Variants in SLC39A11 observed in about 807,000 individuals in gnomAD.
The protein encoded by SLC39A11 is zinc transporter ZIP11.
In SLC39A11, 33 loss-of-function variants were observed where a neutral mutation model predicts 36.1. The observed-to-expected ratio is 0.91, with a 90% CI of 0.69 to 1.22. SLC39A11 has a LOEUF of 1.22. SLC39A11 is among the 50% of genes most tolerant of loss of function. The pLI is 0.00. For synonymous variants in SLC39A11, 166 were observed against 170.3 expected, an observed-to-expected ratio of 0.97 and a Z score of 0.20; for missense variants, 432 against 430.3, an observed-to-expected ratio of 1.00 and a Z score of -0.03.
chr17:72,923,334 T>A (rs1173715487), intron 5 of SLC39A11, among the ~76,000 whole-genome samples: 1 of 152,100 alleles, frequency 6.6e-6, no homozygotes, highest in Non-Finnish European at 1.5e-5. Flanking sequence ...CATAAACAGG[T>A]ATGGCCAATG....
intron 7 of SLC39A11, among the ~76,000 whole-genome samples, chr17:72,718,582 C>CA (rs2143522591): frequency 6.6e-6 from 1 of 152,348 alleles, no homozygotes; most frequent in South Asian, 2.1e-4. Context: ...CTTGGGGTCA[C>CA]AGCCAGGCAC....
At chr17:73,054,860 G>C (rs2059618770) in intron 3 of SLC39A11, among the ~76,000 whole-genome samples, 2 of 151,300 alleles carry the variant, frequency 1.3e-5, no homozygotes, top group South Asian at 4.2e-4. Context: ...AGCTGCAGAT[G>C]CTTATCAAGG....
At chr17:72,941,935 C>T (rs1315709121) in intron 5 of SLC39A11, among the ~76,000 whole-genome samples, 1 of 151,878 alleles carries the variant, frequency 6.6e-6, no homozygotes. Context: ...GGCTGGAGTG[C>T]AGTGGCACAA....
intron 4 of SLC39A11, among the ~76,000 whole-genome samples, chr17:72,960,583 C>T (rs756980309): frequency 1.4e-4 from 21 of 151,976 alleles, no homozygotes; most frequent in Non-Finnish European, 2.6e-4. Flanking sequence ...CTTGACCCCA[C>T]GAGTTTGAGA....
intron 5 of SLC39A11, among the ~76,000 whole-genome samples, chr17:72,860,013 AG>A (rs1372803677): frequency 5.9e-5 from 1 of 16,978 alleles, no homozygotes; most frequent in Non-Finnish European, 8.5e-5. Flanking sequence ...AGACGAGGAG[AG>A]GGGAGGGGAG....
At chr17:72,956,635 C>G (rs1227502608) in intron 4 of SLC39A11, among the ~76,000 whole-genome samples, 1 of 152,176 alleles carries the variant, frequency 6.6e-6, no homozygotes, top group African/African-American at 2.4e-5. Flanking sequence ...TAATCTAATC[C>G]TAGACTTAGT....
chr17:72,849,871 T>C (rs1009012726), intron 5 of SLC39A11, 67 bp from the exon 6 acceptor site: 3 of 1,392,870 alleles, frequency 2.2e-6, no homozygotes, highest in Non-Finnish European at 2.9e-6. Flanking sequence ...ACGTTAACTC[T>C]CCAGCAAGCT....
intron 7 of SLC39A11, among the ~76,000 whole-genome samples, chr17:72,698,381 G>A (rs116656225): frequency 0.05 from 7,519 of 150,514 alleles, 589 homozygotes; most frequent in African/African-American, 0.17. Context: ...AATTGTTGAA[G>A]CTGGATAACA....
intron 7 of SLC39A11, among the ~76,000 whole-genome samples, chr17:72,659,964 C>T (rs1809523440): frequency 6.6e-6 from 1 of 152,066 alleles, no homozygotes; most frequent in Non-Finnish European, 1.5e-5. Context: ...GTTAAACACC[C>T]CAGCCATACC....
chr17:72,783,018 A>AAAAAAAAAAAAG (rs566022305), intron 6 of SLC39A11, among the ~76,000 whole-genome samples: 3 of 142,286 alleles, frequency 2.1e-5, no homozygotes, highest in Admixed American at 6.8e-5. Flanking sequence ...AAAAAAAAAA[A>AAAAAAAAAAAAG]AAAAGAAAAA....
chr17:72,663,532 C>T (rs1314744779), intron 7 of SLC39A11, among the ~76,000 whole-genome samples: 1 of 152,176 alleles, frequency 6.6e-6, no homozygotes, highest in Non-Finnish European at 1.5e-5. Context: ...GAATCACTAT[C>T]CTCACTTCTA....
intron 5 of SLC39A11, among the ~76,000 whole-genome samples, chr17:72,897,072 C>A (rs8066482): frequency 0.56 from 67,466 of 121,396 alleles, 19,473 homozygotes; most frequent in African/African-American, 0.73. Context: ...AAAAAAAAAA[C>A]AAACAGAAAA....
intron 4 of SLC39A11, among the ~76,000 whole-genome samples, chr17:73,022,231 T>C (rs1332770041): frequency 6.6e-6 from 1 of 152,222 alleles, no homozygotes; most frequent in Non-Finnish European, 1.5e-5. Flanking sequence ...GTTCATGGCA[T>C]GCATTCCCAT....
At position 72,854,388 on chromosome 17, in the gene SLC39A11, C is replaced by G. The variant is rs976427195; in HGVS notation, c.431-4584G>C. Among the ~76,000 whole-genome samples, 10 of 151,746 alleles carry G rather than the reference C, an allele frequency of 6.6e-5. No homozygotes were observed. In the East Asian group the frequency reaches 1.7e-3, roughly 26 times the overall value. On this transcript the variant is annotated intron_variant, in intron 5 of 9. Transcript: ENST00000255559. ...AAAAGGTAGTGGGAGCAGTTGCTGC[C>G]GTGAGAAGGAGAGTCTGGTGAGCTC...
intron 7 of SLC39A11, among the ~76,000 whole-genome samples, chr17:72,723,305 T>G (rs1034901380): frequency 7.3e-6 from 1 of 136,300 alleles, no homozygotes; most frequent in African/African-American, 2.8e-5. Flanking sequence ...TTTCTTTGTC[T>G]TTGTAGGAGT....
intron 5 of SLC39A11, among the ~76,000 whole-genome samples, chr17:72,900,004 A>AAGAGAG (rs773613706): frequency 7.8e-6 from 1 of 128,542 alleles, no homozygotes; most frequent in African/African-American, 3.8e-5. Context: ...GAGAGAGAGA[A>AAGAGAG]AGAGAGAGAG....
At chr17:72,708,915 A>G (rs186120966) in intron 7 of SLC39A11, among the ~76,000 whole-genome samples, 6 of 150,614 alleles carry the variant, frequency 4.0e-5, no homozygotes, top group Non-Finnish European at 5.9e-5. Context: ...TTTCTGAGAA[A>G]CCTAGGCAAA....
chr17:72,964,225 C>A (rs1242447798), intron 4 of SLC39A11, among the ~76,000 whole-genome samples: 1 of 152,228 alleles, frequency 6.6e-6, no homozygotes, highest in Non-Finnish European at 1.5e-5. Flanking sequence ...GTTCCCAGAC[C>A]ACTGCAGGAC....
At chr17:72,931,387 G>A (rs1434342975) in intron 5 of SLC39A11, among the ~76,000 whole-genome samples, 3 of 152,208 alleles carry the variant, frequency 2.0e-5, no homozygotes, top group Non-Finnish European at 4.4e-5. Flanking sequence ...CCAGCCAAGA[G>A]AGCTGCAGCC....
Sources: gnomAD v4.1 joint callset for allele counts (sites outside exome capture counted in the v4.1 genomes callset) on GRCh38, gnomAD v4.1.1 for gene constraint, MANE v1.5 for transcripts, NCBI Gene and HGNC (gene_info 2026-07-23, HGNC 2026-07-21) for gene names.